The following ST6GALNAC3 variants were observed in gnomAD, a reference collection of about 807,000 sequenced individuals.
ST6GALNAC3 encodes alpha-N-acetylgalactosaminide alpha-2,6-sialyltransferase 3.
A neutral mutation model predicts 32.7 loss-of-function variants in ST6GALNAC3; 25 were observed. The observed-to-expected ratio is 0.76, with a 90% confidence interval of 0.56 to 1.07. The LOEUF is 1.07. ST6GALNAC3 is among the 50% of genes least tolerant of loss of function. The pLI, the probability that ST6GALNAC3 is intolerant of heterozygous loss-of-function variation, is 0.00. For synonymous variants in ST6GALNAC3, 129 were observed against 133.1 expected, an observed-to-expected ratio of 0.97 and a Z score of 0.21; for missense variants, 355 against 382.4, an observed-to-expected ratio of 0.93 and a Z score of 0.60.
intron 1 of ST6GALNAC3, among the ~76,000 whole-genome samples, chr1:76,175,902 G>A (rs1041895144): frequency 3.3e-5 from 5 of 152,098 alleles, no homozygotes; most frequent in African/African-American, 9.7e-5. Flanking sequence ...TCTGAGTTAC[G>A]AACTTTGGGG....
chr1:76,546,879 A>G (rs1664330931), intron 3 of ST6GALNAC3, among the ~76,000 whole-genome samples: 1 of 152,242 alleles, frequency 6.6e-6, no homozygotes, highest in African/African-American at 2.4e-5. Context: ...TTACTAGGGA[A>G]GCTCAGGCAA....
chr1:76,128,400 C>T (rs1335750030), intron 1 of ST6GALNAC3, among the ~76,000 whole-genome samples: 7 of 152,294 alleles, frequency 4.6e-5, no homozygotes, highest in East Asian at 1.9e-4. Flanking sequence ...TACACTTAAG[C>T]GGTAGCAGAA....
chr1:76,391,490 C>T (rs1652544062), intron 2 of ST6GALNAC3, among the ~76,000 whole-genome samples: 3 of 152,042 alleles, frequency 2.0e-5, no homozygotes. Flanking sequence ...ATTGAATGTT[C>T]TTTAGAAACA....
At chr1:76,334,954 A>C (rs1647343048) in intron 2 of ST6GALNAC3, among the ~76,000 whole-genome samples, 1 of 152,314 alleles carries the variant, frequency 6.6e-6, no homozygotes, top group East Asian at 1.9e-4. Context: ...TCTGGTCACA[A>C]AAACAATCAC....
intron 3 of ST6GALNAC3, among the ~76,000 whole-genome samples, chr1:76,489,421 T>G (rs1361126721): frequency 2.0e-5 from 3 of 152,090 alleles, no homozygotes; most frequent in Non-Finnish European, 4.4e-5. Flanking sequence ...TTTAAATATT[T>G]TAGGAGAGTT....
Position 76,581,083 on chromosome 1 carries a change from CT to C in ST6GALNAC3, c.624-46368del, listed in dbSNP as rs1557596512. Among the ~76,000 whole-genome samples the C allele has an allele frequency of 2.6e-5, 4 of 152,154 alleles. No individual in the cohort carries two copies. The East Asian group carries it at 7.7e-4, about 29-fold the overall frequency. On this transcript the variant is annotated intron_variant, in intron 3 of 4. Coordinates refer to ENST00000328299, the MANE Select transcript of ST6GALNAC3 (RefSeq NM_152996.4). ...AGGTGATTTATCTATTCTGATTTCCCTGAATTGTTTAGTGCTGAGATTTCAT... is the reference window on the plus strand; with the variant it reads ...AGGTGATTTATCTATTCTGATTTCCCGAATTGTTTAGTGCTGAGATTTCAT...
intron 3 of ST6GALNAC3, among the ~76,000 whole-genome samples, chr1:76,604,627 C>T (rs763902184): frequency 6.6e-6 from 1 of 152,160 alleles, no homozygotes. Flanking sequence ...CAAGATCTCT[C>T]TATTCAGACC....
chr1:76,467,650 G>A (rs1452425524), intron 3 of ST6GALNAC3, among the ~76,000 whole-genome samples: 2 of 151,924 alleles, frequency 1.3e-5, no homozygotes, highest in Non-Finnish European at 2.9e-5. Flanking sequence ...CTTATCAATA[G>A]TGGTTATCTG....
intron 1 of ST6GALNAC3, among the ~76,000 whole-genome samples, chr1:76,311,569 TG>T (rs1349570056): frequency 6.6e-6 from 1 of 152,164 alleles, no homozygotes; most frequent in Non-Finnish European, 1.5e-5. Context: ...CTGAGAGTGA[TG>T]GTTTCCAGCT....
At chr1:76,267,278 G>A (rs1184270263) in intron 1 of ST6GALNAC3, among the ~76,000 whole-genome samples, 2 of 152,150 alleles carry the variant, frequency 1.3e-5, no homozygotes, top group East Asian at 1.9e-4. Flanking sequence ...GCTAAGCTTC[G>A]TGGACTTTGT....
intron 3 of ST6GALNAC3, among the ~76,000 whole-genome samples, chr1:76,571,804 A>G (rs531340883): frequency 2.2e-4 from 33 of 152,138 alleles, no homozygotes; most frequent in Non-Finnish European, 3.2e-4. Flanking sequence ...TTGGGTTCCA[A>G]TGGTTTGTAA....
chr1:76,516,531 G>A (rs1338628019), intron 3 of ST6GALNAC3, among the ~76,000 whole-genome samples: 2 of 152,078 alleles, frequency 1.3e-5, no homozygotes, highest in Non-Finnish European at 2.9e-5. Flanking sequence ...TATGTCAGAG[G>A]ATATTTGCAT....
intron 1 of ST6GALNAC3, among the ~76,000 whole-genome samples, chr1:76,084,717 C>T (rs1172006089): frequency 6.6e-5 from 10 of 152,134 alleles, no homozygotes; most frequent in Non-Finnish European, 1.5e-4. Flanking sequence ...TGTTTGTAAA[C>T]CTGAATCTCT....
intron 1 of ST6GALNAC3, among the ~76,000 whole-genome samples, chr1:76,304,189 A>G (rs1660898933): frequency 1.3e-5 from 2 of 151,966 alleles, no homozygotes; most frequent in South Asian, 4.1e-4. Context: ...CATTTCTTCC[A>G]CAAATATTTA....
At chr1:76,302,762 C>T (rs2893415) in intron 1 of ST6GALNAC3, among the ~76,000 whole-genome samples, 63,568 of 151,742 alleles carry the variant, frequency 0.42, 13,611 homozygotes, top group Admixed American at 0.48. Context: ...CACATATTGA[C>T]TCACTTAGTG....
chr1:76,603,098 G>A (rs534960527), intron 3 of ST6GALNAC3, among the ~76,000 whole-genome samples: 193 of 152,314 alleles, frequency 1.3e-3, no homozygotes, highest in African/African-American at 4.5e-3. Flanking sequence ...TACTGAAGAC[G>A]AAGAGCAGCA....
intron 1 of ST6GALNAC3, among the ~76,000 whole-genome samples, chr1:76,267,060 G>A (rs1471071365): frequency 2.0e-5 from 3 of 152,202 alleles, no homozygotes; most frequent in Non-Finnish European, 4.4e-5. Flanking sequence ...CCTTGGCCAA[G>A]TGCCCACTTT....
chr1:76,178,692 A>G (rs777251990), intron 1 of ST6GALNAC3, among the ~76,000 whole-genome samples: 6 of 152,150 alleles, frequency 3.9e-5, no homozygotes, highest in South Asian at 2.1e-4. Flanking sequence ...AAGAGGGACA[A>G]TGAATGAGCT....
intron 1 of ST6GALNAC3, chr1:76,307,894 T>C (rs554861523): frequency 1.9e-6 from 1 of 516,528 alleles, no homozygotes; most frequent in Admixed American, 1.9e-5. Flanking sequence ...GGAATAGGTA[T>C]TTCTCCTATG....
Sources: allele counts gnomAD v4.1 joint callset (sites outside exome capture counted in the v4.1 genomes callset), GRCh38; gene constraint gnomAD v4.1.1; transcripts MANE v1.5; gene names NCBI Gene and HGNC (gene_info 2026-07-23, HGNC 2026-07-21).